The following SORCS2 variants were observed in gnomAD, a reference collection of about 807,000 sequenced individuals.
SORCS2 encodes the protein sortilin related VPS10 domain containing receptor 2.
In SORCS2, 100 loss-of-function variants were observed where a neutral mutation model predicts 141.6. The observed-to-expected ratio is 0.71, with a 90% confidence interval of 0.60 to 0.83. The LOEUF (loss-of-function observed/expected upper bound fraction) is 0.83. Ranked by LOEUF, SORCS2 falls within the 40% of genes least tolerant of loss-of-function variation. The probability of loss-of-function intolerance (pLI) is 0.00; values close to 1 mark genes in which losing one functional copy is unlikely to be tolerated. For missense variants in SORCS2, 1,646 were observed against 1,560.2 expected (o/e 1.05, Z -0.93); for synonymous variants, 789 against 676.9 (o/e 1.17, Z -2.57).
chr4:7,214,622 C>T lies in SORCS2; in HGVS notation c.480+21496C>T, dbSNP rs181601367. On this transcript the variant is annotated intron_variant, in intron 1 of 26. Coordinates refer to ENST00000507866, the MANE Select transcript of SORCS2 (RefSeq NM_020777.3). The stretch of plus-strand genomic sequence containing the variant: ...AAGGAGTAGCCCTGGGATAGACTCA[C>T]AGGATCTCAGTTCCCAGGGTGCTCA... Among the ~76,000 whole-genome samples the T allele has an allele frequency of 1.5e-3, 226 of 152,364 alleles. 1 individual carries two copies. The highest frequency in any genetic ancestry group is 5.2e-3 in the African/African-American group (216 of 41,592).
At chr4:7,536,545 AAG>A (rs1712137232) in intron 3 of SORCS2, among the ~76,000 whole-genome samples, 1 of 152,156 alleles carries the variant, frequency 6.6e-6, no homozygotes, top group Admixed American at 6.5e-5. Context: ...CCTAGGGAAC[AAG>A]AGCAGCCCAT....
In SORCS2 at chr4:7,384,756, C is replaced by A. The variant is rs185002914; in HGVS notation, c.481-11532C>A. Reference sequence around the variant, plus strand: ...ACACTGCACGGCCAACTCCCTGCATCCTCGCTTCAGCTCTGTGAGGCTCAG... The same window carrying A: ...ACACTGCACGGCCAACTCCCTGCATACTCGCTTCAGCTCTGTGAGGCTCAG... On this transcript the variant is annotated intron_variant, in intron 1 of 26. Coordinates refer to ENST00000507866, the MANE Select transcript of SORCS2 (RefSeq NM_020777.3). 4.4e-3 allele frequency among the ~76,000 whole-genome samples: 666 copies of A among 152,314 alleles called. 8 individuals carry two copies. Among genetic ancestry groups the A allele is most frequent in the African/African-American group, 0.015 (616 of 41,586 alleles).
At chr4:7,374,166 T>TCTTCCTTTCTTCCTTTCTTC (rs1722473107) in intron 1 of SORCS2, among the ~76,000 whole-genome samples, 3 of 146,444 alleles carry the variant, frequency 2.0e-5, no homozygotes, top group African/African-American at 7.8e-5. Context: ...TTTCTTTCTT[T>TCTTCCTTTCTTCCTTTCTTC]CTTTCTTTCT....
At chr4:7,546,535 A>G (rs1713276905) in intron 3 of SORCS2, among the ~76,000 whole-genome samples, 1 of 151,892 alleles carries the variant, frequency 6.6e-6, no homozygotes, top group East Asian at 1.9e-4. Context: ...TTCAAGCGGG[A>G]GAGGAGGTGA....
intron 2 of SORCS2, among the ~76,000 whole-genome samples, chr4:7,495,069 C>T (rs556225239): frequency 2.6e-5 from 4 of 152,362 alleles, no homozygotes; most frequent in East Asian, 1.9e-4. Context: ...GGCCCTGCGA[C>T]GTCGAAATGG....
intron 1 of SORCS2, among the ~76,000 whole-genome samples, chr4:7,388,334 C>T (rs1373536229): frequency 6.6e-6 from 1 of 152,208 alleles, no homozygotes; most frequent in Non-Finnish European, 1.5e-5. Flanking sequence ...CAGCAGAGAG[C>T]TGGTCCTGGG....
intron 2 of SORCS2, among the ~76,000 whole-genome samples, chr4:7,501,104 T>C (rs1225055627): frequency 6.6e-6 from 1 of 152,190 alleles, no homozygotes; most frequent in East Asian, 1.9e-4. Flanking sequence ...GGTGCTGACC[T>C]GTGAAGGCGC....
At chr4:7,469,344 C>A (rs1429912956) in intron 2 of SORCS2, among the ~76,000 whole-genome samples, 2 of 152,156 alleles carry the variant, frequency 1.3e-5, no homozygotes, top group Admixed American at 1.3e-4. Flanking sequence ...AACGCAGAGA[C>A]AGTGCTCACA....
chr4:7,656,721 G>A (rs1388846015), intron 5 of SORCS2, among the ~76,000 whole-genome samples: 1 of 152,212 alleles, frequency 6.6e-6, no homozygotes, highest in African/African-American at 2.4e-5. Context: ...GAAAGCCTCA[G>A]CCTTCCTCTC....
At chr4:7,579,411 G>A (rs1247763127) in intron 3 of SORCS2, among the ~76,000 whole-genome samples, 1 of 152,112 alleles carries the variant, frequency 6.6e-6, no homozygotes, top group African/African-American at 2.4e-5. Flanking sequence ...CACAGTATTA[G>A]GAGGTAGGTG....
intron 3 of SORCS2, among the ~76,000 whole-genome samples, chr4:7,615,194 A>T (rs1393796415): frequency 6.6e-6 from 1 of 152,036 alleles, no homozygotes; most frequent in Non-Finnish European, 1.5e-5. Context: ...CCTTCACTCC[A>T]TATTGATTTG....
chr4:7,402,304 G>A (rs148039492), intron 2 of SORCS2, among the ~76,000 whole-genome samples: 1 of 152,218 alleles, frequency 6.6e-6, no homozygotes, highest in African/African-American at 2.4e-5. Flanking sequence ...CCTGAAATTG[G>A]TGTGGGTCAT....
intron 3 of SORCS2, among the ~76,000 whole-genome samples, chr4:7,620,951 C>A (rs925937414): frequency 6.6e-6 from 1 of 152,280 alleles, no homozygotes. Flanking sequence ...GTGCCCTTCT[C>A]CTGCTGCGAC....
At chr4:7,199,419 G>A (rs1336116919) in intron 1 of SORCS2, among the ~76,000 whole-genome samples, 1 of 152,166 alleles carries the variant, frequency 6.6e-6, no homozygotes, top group South Asian at 2.1e-4. Context: ...AGGCTGGGGA[G>A]GTGTGGCTGA....
At chr4:7,696,224 G>C (rs535065235) in intron 11 of SORCS2, among the ~76,000 whole-genome samples, 1 of 152,268 alleles carries the variant, frequency 6.6e-6, no homozygotes, top group Non-Finnish European at 1.5e-5. Flanking sequence ...AAGTCACCCA[G>C]GGTGGGGCCT....
chr4:7,643,348 T>A (rs1257845433), intron 4 of SORCS2, among the ~76,000 whole-genome samples: 1 of 152,220 alleles, frequency 6.6e-6, no homozygotes, highest in African/African-American at 2.4e-5. Flanking sequence ...CCAGCCTGTT[T>A]CCTCTGTGCC....
intron 1 of SORCS2, among the ~76,000 whole-genome samples, chr4:7,336,478 C>A (rs1032362361): frequency 1.4e-5 from 2 of 144,062 alleles, no homozygotes; most frequent in Non-Finnish European, 3.0e-5. Flanking sequence ...CCCAGGACCT[C>A]CTGTTCGCAT....
At chr4:7,303,622 C>G (rs1279293035) in intron 1 of SORCS2, among the ~76,000 whole-genome samples, 2 of 152,226 alleles carry the variant, frequency 1.3e-5, no homozygotes, top group Non-Finnish European at 2.9e-5. Flanking sequence ...GCAAACCATT[C>G]TGGGAGCTGA....
chr4:7,309,570 C>T (rs963254263), intron 1 of SORCS2, among the ~76,000 whole-genome samples: 18 of 152,326 alleles, frequency 1.2e-4, no homozygotes, highest in African/African-American at 4.1e-4. Flanking sequence ...TCCACACAGG[C>T]ATGTGGCTTT....
Sources: allele counts gnomAD v4.1 joint callset (sites outside exome capture counted in the v4.1 genomes callset), GRCh38; gene constraint gnomAD v4.1.1; transcripts MANE v1.5; gene names NCBI Gene and HGNC (gene_info 2026-07-23, HGNC 2026-07-21).